ESF1: variants seen among roughly 807,000 people sequenced by gnomAD.
The protein encoded by ESF1 is ESF1 nucleolar pre-rRNA processing protein, also known as ESF1 homolog.
In ESF1, 58 loss-of-function variants were observed where a neutral mutation model predicts 92.0. That is an observed-to-expected ratio of 0.63 (90% CI 0.51 to 0.78). ESF1 has a LOEUF of 0.78. Among genes scored for constraint, ESF1 ranks in the 30% least tolerant of loss-of-function variants. The pLI, the probability that ESF1 is intolerant of heterozygous loss-of-function variation, is 0.00. For missense variants in ESF1, 922 were observed against 989.1 expected, an observed-to-expected ratio of 0.93 and a Z score of 0.91; for synonymous variants, 321 against 313.7, an observed-to-expected ratio of 1.02 and a Z score of -0.24.
intron 9 of ESF1, among the ~76,000 whole-genome samples, chr20:13,758,459 A>G (rs1979001603): frequency 6.6e-6 from 1 of 152,160 alleles, no homozygotes; most frequent in South Asian, 2.1e-4. Flanking sequence ...CATCCTAGCA[A>G]ATTTACTACA....
intron 2 of ESF1, among the ~76,000 whole-genome samples, chr20:13,778,000 C>T (rs143905631): frequency 1.8e-3 from 281 of 152,292 alleles, no homozygotes; most frequent in Non-Finnish European, 3.2e-3. Flanking sequence ...ATTTGTAACA[C>T]GATCTCATGC....
chr20:13,759,944 G>A lies in ESF1; in HGVS notation c.1667-91C>T. 2.1e-6 allele frequency: 3 copies of A among 1,446,424 alleles called. No homozygotes were observed. The South Asian group carries it at 4.4e-5, about 21-fold the overall frequency. 89.6% of individuals were successfully genotyped at this position (1,446,424 alleles called of 1,614,324 possible). A position where few individuals can be genotyped will look rare whatever the true frequency, so the allele number is the denominator to read the frequency against. On this transcript the variant is annotated intron_variant, in intron 8 of 13. Coordinates refer to ENST00000617257, the MANE Select transcript of ESF1 (RefSeq NM_001276380.2). The stretch of plus-strand genomic sequence containing the variant: ...TGGTCACTCTCTTTTAAAAGATGCT[G>A]TTAGACCACAGGATATCAAAATCAG...
rs548077179 is a variant in ESF1 at position 13,715,647 on chromosome 20, C to T, written c.2263-480G>A. On this transcript the variant is annotated intron_variant, in intron 13 of 13. Coordinates refer to ENST00000617257, the MANE Select transcript of ESF1 (RefSeq NM_001276380.2). Reference sequence around the variant, plus strand: ...GAACTATTGAAGGTGATCCATGGATCAAAAGATTTAAAGACCACTATGGCA... The same window carrying T: ...GAACTATTGAAGGTGATCCATGGATTAAAAGATTTAAAGACCACTATGGCA... 5.6e-4 allele frequency among the ~76,000 whole-genome samples: 85 copies of T among 152,272 alleles called. 2 individuals carry two copies. In the South Asian group the frequency reaches 0.015, roughly 27 times the overall value.
At position 13,715,625 on chromosome 20, in the gene ESF1, C is replaced by A. The variant is rs1186807519; in HGVS notation, c.2263-458G>T. 4.6e-5 allele frequency among the ~76,000 whole-genome samples: 7 copies of A among 152,102 alleles called. No homozygotes were observed. The East Asian group carries it at 1.3e-3, about 29-fold the overall frequency. Reference sequence around the variant, plus strand: ...TTAATCTTGGTGCCAAAATAAGGAACTATTGAAGGTGATCCATGGATCAAA... The same window carrying A: ...TTAATCTTGGTGCCAAAATAAGGAAATATTGAAGGTGATCCATGGATCAAA... On this transcript the variant is annotated intron_variant, in intron 13 of 13. Transcript: ENST00000617257.
At chr20:13,747,261 T>TA (rs34422643) in intron 9 of ESF1, among the ~76,000 whole-genome samples, 58 of 145,384 alleles carry the variant, frequency 4.0e-4, no homozygotes, top group East Asian at 8.0e-4. Flanking sequence ...AGTTGTATAT[T>TA]AAAAAAAAAA....
rs552416542 is a variant in ESF1, at chr20:13,770,123, C to G, written c.1404-102G>C. On this transcript the variant is annotated intron_variant, in intron 6 of 13. Transcript: ENST00000617257. ...TGTAGTTTATACATACACAAACTTT[C>G]TAAAAGACACACGTTTAAGAGACAA... The G allele has an allele frequency of 4.1e-4, 263 of 639,376 alleles. 4 individuals are homozygous for G. The highest frequency in any genetic ancestry group is 3.4e-3 in the South Asian group (172 of 51,096). The allele number at this position is 639,376 out of a possible 1,614,324, so 39.6% of individuals were successfully genotyped here. A position where few individuals can be genotyped will look rare whatever the true frequency, so the allele number is the denominator to read the frequency against.
intron 9 of ESF1, among the ~76,000 whole-genome samples, chr20:13,753,711 T>C (rs1978746481): frequency 6.6e-6 from 1 of 152,136 alleles, no homozygotes; most frequent in Admixed American, 6.6e-5. Context: ...GCCAGGATTG[T>C]AAACAGGTCA....
At chr20:13,782,479 G>T in intron 2 of ESF1, 25 bp downstream of exon 2, 1 of 1,480,984 alleles carries the variant, frequency 6.8e-7, no homozygotes, top group Middle Eastern at 2.3e-4. Context: ...TAACACCCAA[G>T]AATCTCTAAT....
chr20:13,783,249 A>ATATT, intron 1 of ESF1, 66 bp from the exon 2 acceptor site: 1 of 775,036 alleles, frequency 1.3e-6, no homozygotes, highest in Non-Finnish European at 1.8e-6. Flanking sequence ...GTTTTAAAAC[A>ATATT]CATTCACAAT....
At chr20:13,736,213 T>A (rs2049974406) in intron 9 of ESF1, among the ~76,000 whole-genome samples, 1 of 152,208 alleles carries the variant, frequency 6.6e-6, no homozygotes, top group Admixed American at 6.5e-5. Context: ...TCCTGTGCAC[T>A]GGAAGTTATT....
chr20:13,723,851 T>A (rs1445601701), intron 11 of ESF1, among the ~76,000 whole-genome samples: 2 of 152,228 alleles, frequency 1.3e-5, no homozygotes, highest in Non-Finnish European at 2.9e-5. Context: ...AAAAGCAAGG[T>A]CTATATCCTT....
intron 9 of ESF1, among the ~76,000 whole-genome samples, chr20:13,748,548 G>GTGTGTATA (rs1555823556): frequency 8.1e-5 from 4 of 49,552 alleles, no homozygotes; most frequent in African/African-American, 3.1e-4. Context: ...ATATGTGTGT[G>GTGTGTATA]TATATATATA....
In ESF1 at chr20:13,714,896, C is replaced by T. The variant is rs1487109691; in HGVS notation, c.2534G>A (p.Arg845Lys). Residue 845 changes from arginine to lysine, a missense_variant, in exon 14 of 14, where the codon AGA becomes AAA. Physicochemically the swap from Arg to Lys is conservative, Grantham distance 26. Transcript: ENST00000617257. ...IKTKTEQFQA[R>K]KKQKVK The stretch of plus-strand genomic sequence containing the variant: ...CAGTTATTTGACTTTTTGCTTTTTT[C>T]TTGCTTGAAACTGCTCTGTTTTGGT... 4 of 1,592,314 alleles carry T rather than the reference C, an allele frequency of 2.5e-6. No individual in the cohort carries two copies. Among genetic ancestry groups the T allele is most frequent in the African/African-American group, 2.7e-5 (2 of 73,412 alleles).
At chr20:13,717,332 C>T (rs1360433094) in intron 13 of ESF1, 36 bp downstream of exon 13, 1 of 1,607,752 alleles carries the variant, frequency 6.2e-7, no homozygotes, top group Admixed American at 1.7e-5. Flanking sequence ...GATTCAATTC[C>T]AGCTTTAAGA....
chr20:13,746,967 T>C (rs1411255774), intron 9 of ESF1, among the ~76,000 whole-genome samples: 1 of 152,180 alleles, frequency 6.6e-6, no homozygotes, highest in African/African-American at 2.4e-5. Context: ...CCCAACCATT[T>C]TCCTACATGG....
chr20:13,775,793 TA>T, intron 3 of ESF1, 79 bp downstream of exon 3: 1 of 1,480,870 alleles, frequency 6.8e-7, no homozygotes, highest in Non-Finnish European at 9.0e-7. Flanking sequence ...TTTTCCCACT[TA>T]ATGACATCAG....
chr20:13,745,892 TG>T (rs1162333716), intron 9 of ESF1, among the ~76,000 whole-genome samples: 2 of 149,152 alleles, frequency 1.3e-5, no homozygotes, highest in African/African-American at 4.8e-5. Flanking sequence ...AGAAAAAGAA[TG>T]ACTAATACAT....
At chr20:13,752,929 G>T (rs1318173805) in intron 9 of ESF1, among the ~76,000 whole-genome samples, 2 of 152,142 alleles carry the variant, frequency 1.3e-5, no homozygotes, top group Non-Finnish European at 2.9e-5. Context: ...GTGTGAGACA[G>T]TAAGAGAAGT....
At chr20:13,748,593 T>TGTGTGTGTATATATATATA (rs1466247619) in intron 9 of ESF1, among the ~76,000 whole-genome samples, 1 of 11,818 alleles carries the variant, frequency 8.5e-5, no homozygotes. Context: ...TATATATATA[T>TGTGTGTGTATATATATATA]TTTTTTTTTT....
Sources: gnomAD v4.1 joint callset for allele counts (sites outside exome capture counted in the v4.1 genomes callset) on GRCh38, gnomAD v4.1.1 for gene constraint, MANE v1.5 for transcripts, NCBI Gene and HGNC (gene_info 2026-07-23, HGNC 2026-07-21) for gene names.